The following GALNTL6 variants were observed in gnomAD, a reference collection of about 807,000 sequenced individuals.
GALNTL6 encodes polypeptide N-acetylgalactosaminyltransferase-like 6.
Under a neutral mutation model 73.7 loss-of-function variants are expected in GALNTL6, and 46 were observed. That is an observed-to-expected ratio of 0.62 (90% CI 0.49 to 0.80). GALNTL6 has a LOEUF of 0.80. Among genes scored for constraint, GALNTL6 ranks in the 30% least tolerant of loss-of-function variants. The pLI, the probability that GALNTL6 is intolerant of heterozygous loss-of-function variation, is 0.00. For synonymous variants in GALNTL6, 259 were observed against 263.7 expected, an observed-to-expected ratio of 0.98 and a Z score of 0.17; for missense variants, 604 against 755.0, an observed-to-expected ratio of 0.80 and a Z score of 2.34.
Position 172,809,458 on chromosome 4 carries a change from C to G in GALNTL6, c.651C>G (p.Leu217=), listed in dbSNP as rs201908027. Residue 217 remains leucine (L), a synonymous_variant, in exon 6 of 13, where the codon CTC becomes CTG. Transcript: ENST00000506823. The surrounding 1 kb of genome is among the most constrained non-coding windows in gnomAD (Gnocchi z 4.4). ...KKREGLIRTR[L]LGASMARGEV... Reference sequence around the variant, plus strand: ...GAGAAGGACTCATCCGGACCCGTCTCCTGGGGGCATCTATGGCCAGAGGAG... The same window carrying G: ...GAGAAGGACTCATCCGGACCCGTCTGCTGGGGGCATCTATGGCCAGAGGAG... 46 of 1,613,938 alleles carry G rather than the reference C, an allele frequency of 2.9e-5. No individual in the cohort carries two copies. The highest frequency in any genetic ancestry group is 8.5e-7 in the Non-Finnish European group (1 of 1,179,884).
intron 5 of GALNTL6, among the ~76,000 whole-genome samples, chr4:172,678,415 G>C (rs770462161): frequency 6.7e-6 from 1 of 149,770 alleles, no homozygotes; most frequent in East Asian, 2.0e-4. Context: ...GCACGATCTC[G>C]GCTCACCGCA....
chr4:172,988,747 C>A (rs1328885311), intron 10 of GALNTL6, among the ~76,000 whole-genome samples: 1 of 152,248 alleles, frequency 6.6e-6, no homozygotes, highest in African/African-American at 2.4e-5. Flanking sequence ...CCTATCTTCT[C>A]CAGCTCCTGC....
chr4:172,612,203 A>T (rs535155634), intron 5 of GALNTL6, among the ~76,000 whole-genome samples: 54 of 152,224 alleles, frequency 3.5e-4, no homozygotes, highest in African/African-American at 1.3e-3. Context: ...GGGTATCCAA[A>T]ATGTTTAACT....
chr4:172,136,725 A>G (rs1165071476), intron 2 of GALNTL6, among the ~76,000 whole-genome samples: 1 of 151,836 alleles, frequency 6.6e-6, no homozygotes, highest in African/African-American at 2.4e-5. Context: ...ATAATTATGC[A>G]CAGCTCCATA....
At chr4:171,932,676 G>A (rs1030168724) in intron 2 of GALNTL6, among the ~76,000 whole-genome samples, 1 of 152,096 alleles carries the variant, frequency 6.6e-6, no homozygotes, top group Non-Finnish European at 1.5e-5. Context: ...AAAATGAGTA[G>A]AGAAACCAAG....
At chr4:172,572,185 C>A (rs181839942) in intron 5 of GALNTL6, among the ~76,000 whole-genome samples, 1 of 152,120 alleles carries the variant, frequency 6.6e-6, no homozygotes, top group African/African-American at 2.4e-5. Flanking sequence ...ATCTATGATG[C>A]GGACTGCAGT....
At chr4:172,697,774 C>G (rs921759637) in intron 5 of GALNTL6, among the ~76,000 whole-genome samples, 1 of 152,132 alleles carries the variant, frequency 6.6e-6, no homozygotes, top group Non-Finnish European at 1.5e-5. Flanking sequence ...AATACTAGAT[C>G]TTTAGACTTA....
chr4:172,178,238 TATATC>T (rs931886453), intron 2 of GALNTL6, among the ~76,000 whole-genome samples: 6 of 152,118 alleles, frequency 3.9e-5, no homozygotes, highest in African/African-American at 1.2e-4. Context: ...GCCTGACAAA[TATATC>T]ATAAGCATTA....
At chr4:172,149,670 C>T (rs1734022225) in intron 2 of GALNTL6, among the ~76,000 whole-genome samples, 1 of 152,300 alleles carries the variant, frequency 6.6e-6, no homozygotes, top group Non-Finnish European at 1.5e-5. Context: ...AATTTTACTG[C>T]TGGAGTTTTA....
At chr4:172,742,788 AT>A (rs1417860708) in intron 5 of GALNTL6, among the ~76,000 whole-genome samples, 1 of 151,982 alleles carries the variant, frequency 6.6e-6, no homozygotes, top group South Asian at 2.1e-4. Flanking sequence ...CTAGGACATC[AT>A]TTTTTTGGAA....
At chr4:172,239,037 A>G (rs1416793520) in intron 3 of GALNTL6, among the ~76,000 whole-genome samples, 1 of 152,144 alleles carries the variant, frequency 6.6e-6, no homozygotes, top group Non-Finnish European at 1.5e-5. Flanking sequence ...ATCTATGTTC[A>G]TCAAAGATAT....
chr4:172,384,050 G>T (rs534857734), intron 5 of GALNTL6, among the ~76,000 whole-genome samples: 16 of 152,170 alleles, frequency 1.1e-4, no homozygotes, highest in African/African-American at 3.6e-4. Flanking sequence ...ATTTATTAGA[G>T]ATGTTAATGT....
At chr4:172,317,088 C>T (rs1399464922) in intron 4 of GALNTL6, among the ~76,000 whole-genome samples, 3 of 152,138 alleles carry the variant, frequency 2.0e-5, no homozygotes, top group African/African-American at 7.2e-5. Context: ...AAGAAGTCTC[C>T]TCCTGTGATA....
At chr4:172,781,050 G>A (rs2110896693) in intron 5 of GALNTL6, among the ~76,000 whole-genome samples, 1 of 152,266 alleles carries the variant, frequency 6.6e-6, no homozygotes, top group South Asian at 2.1e-4. Context: ...AGAAAAATAA[G>A]TTTTATTTCC....
intron 2 of GALNTL6, among the ~76,000 whole-genome samples, chr4:171,899,585 A>C (rs1160291887): frequency 6.6e-6 from 1 of 152,194 alleles, no homozygotes; most frequent in Admixed American, 6.5e-5. Flanking sequence ...TAACTCAGAC[A>C]TATGCTTTCC....
Position 172,768,902 on chromosome 4 carries a change from T to C in GALNTL6, c.554-40459T>C, listed in dbSNP as rs1040810279. ...ATTTTCTGTTCTCCTGTGACCACCCTGTCTGTATTGTTCCTGTCTCAGTGG... is the reference window on the plus strand; with the variant it reads ...ATTTTCTGTTCTCCTGTGACCACCCCGTCTGTATTGTTCCTGTCTCAGTGG... On this transcript the variant is annotated intron_variant, in intron 5 of 12. Coordinates refer to ENST00000506823, the MANE Select transcript of GALNTL6 (RefSeq NM_001034845.3). Among the ~76,000 whole-genome samples, 4 of 152,052 alleles carry C rather than the reference T, an allele frequency of 2.6e-5. No individual in the cohort carries two copies. In the South Asian group the frequency reaches 8.3e-4, roughly 32 times the overall value.
chr4:172,612,085 A>C (rs2111051097), intron 5 of GALNTL6, among the ~76,000 whole-genome samples: 1 of 152,198 alleles, frequency 6.6e-6, no homozygotes, highest in South Asian at 2.1e-4. Flanking sequence ...TAAATCATAA[A>C]GGATAAGGAT....
chr4:172,056,072 G>C (rs574567006), intron 2 of GALNTL6, among the ~76,000 whole-genome samples: 45 of 152,214 alleles, frequency 3.0e-4, no homozygotes, highest in Non-Finnish European at 5.6e-4. Context: ...GCTGAGTGAA[G>C]ATACCTATAA....
chr4:172,144,731 A>G (rs1733884937), intron 2 of GALNTL6, among the ~76,000 whole-genome samples: 1 of 152,188 alleles, frequency 6.6e-6, no homozygotes, highest in Admixed American at 6.5e-5. Flanking sequence ...AATTCATCAT[A>G]ATGTGTACAA....
Sources: allele counts gnomAD v4.1 joint callset (sites outside exome capture counted in the v4.1 genomes callset), GRCh38; gene constraint gnomAD v4.1.1; non-coding constraint Gnocchi (gnomAD v3.1); transcripts MANE v1.5; gene names NCBI Gene and HGNC (gene_info 2026-07-23, HGNC 2026-07-21).